Variants in HIP1 observed in about 807,000 individuals in gnomAD.
The protein encoded by HIP1 is huntingtin-interacting protein 1.
In HIP1, 65 loss-of-function variants were observed where a neutral mutation model predicts 147.6. The ratio of observed to expected loss-of-function variants is 0.44; its 90% CI spans 0.36 to 0.54. HIP1 has a LOEUF of 0.54. HIP1 is among the 20% of genes least tolerant of loss of function. HIP1 has a pLI of 0.00. For synonymous variants in HIP1, 479 were observed against 504.0 expected (o/e 0.95, Z 0.67); for missense variants, 1,061 against 1,299.6 (o/e 0.82, Z 2.82).
At chr7:75,611,027 TC>T (rs1197938375) in intron 1 of HIP1, among the ~76,000 whole-genome samples, 9 of 151,274 alleles carry the variant, frequency 5.9e-5, no homozygotes, top group Admixed American at 3.3e-4. Context: ...TACCTCAGCT[TC>T]CCCAGTAGCT....
At chr7:75,695,918 C>T (rs1364545885) in intron 1 of HIP1, among the ~76,000 whole-genome samples, 1 of 151,480 alleles carries the variant, frequency 6.6e-6, no homozygotes. Context: ...TTCAGTTCTG[C>T]CCCCGTGCCT....
intron 1 of HIP1, among the ~76,000 whole-genome samples, chr7:75,712,665 T>C (rs1801193670): frequency 6.6e-6 from 1 of 152,166 alleles, no homozygotes; most frequent in Admixed American, 6.6e-5. Context: ...CACATACTCC[T>C]TTATTCACTC....
intron 1 of HIP1, among the ~76,000 whole-genome samples, chr7:75,610,840 T>TA (rs1292186861): frequency 3.4e-5 from 5 of 147,520 alleles, no homozygotes; most frequent in East Asian, 2.0e-4. Flanking sequence ...CCATCACTAT[T>TA]AAAAAATATA....
At position 75,728,527 on chromosome 7, in the gene HIP1, C is replaced by G. The variant is rs376727377; in HGVS notation, c.120+10274G>C. Among the ~76,000 whole-genome samples, 12 of 152,340 alleles carry G rather than the reference C, an allele frequency of 7.9e-5. No individual in the cohort carries two copies. In the East Asian group the frequency reaches 1.5e-3, roughly 20 times the overall value. On this transcript the variant is annotated intron_variant, in intron 1 of 30. Coordinates refer to ENST00000336926, the MANE Select transcript of HIP1 (RefSeq NM_005338.7). ...CTGCCACACCCAGGTCTCCGCCACA[C>G]CTCGCCTTGAGGCAGTGGAATAAGT...
At chr7:75,612,032 T>C (rs1797456422) in intron 1 of HIP1, among the ~76,000 whole-genome samples, 1 of 152,174 alleles carries the variant, frequency 6.6e-6, no homozygotes, top group Non-Finnish European at 1.5e-5. Flanking sequence ...TCAGGTCACA[T>C]ACACACAGCT....
At position 75,714,326 on chromosome 7, in the gene HIP1, G is replaced by A. The variant is rs138871472; in HGVS notation, c.120+24475C>T. Among the ~76,000 whole-genome samples the A allele has an allele frequency of 1.6e-3, 246 of 151,536 alleles. 1 individual carries two copies. Among genetic ancestry groups the A allele is most frequent in the African/African-American group, 5.6e-3 (233 of 41,348 alleles). On this transcript the variant is annotated intron_variant, in intron 1 of 30. Coordinates refer to ENST00000336926, the MANE Select transcript of HIP1 (RefSeq NM_005338.7). ...AGTGCTGGGATGACAGGCGTGAGCC[G>A]CCGCGCCTGGCCTTTTTAACATTTT...
chr7:75,613,085 TCA>T (rs143183301), intron 1 of HIP1, among the ~76,000 whole-genome samples: 115 of 147,534 alleles, frequency 7.8e-4, no homozygotes, highest in African/African-American at 9.1e-4. Flanking sequence ...CCAACTTGGG[TCA>T]CACACACACA....
At chr7:75,673,820 CAA>C (rs71098060) in intron 1 of HIP1, among the ~76,000 whole-genome samples, 7 of 104,324 alleles carry the variant, frequency 6.7e-5, no homozygotes, top group Non-Finnish European at 5.6e-5. Flanking sequence ...CCTATCTCTA[CAA>C]AAAAAAAAAA....
In HIP1 at chr7:75,582,077, G is replaced by A. The variant is rs148290305; in HGVS notation, c.540C>T (p.Asn180=). 724 of 1,613,452 alleles carry A rather than the reference G, an allele frequency of 4.5e-4. 1 individual carries two copies. The highest frequency in any genetic ancestry group is 3.5e-3 in the African/African-American group (266 of 75,046). The part of the protein sequence containing the change: ...LDEAGESDVN[N]FFQLTVEMFD... ...GGCTCAGGGCAGGAGCCACTTACAA[G>A]TTGTTCACGTCACTTTCTCCAGCCT... The change falls in exon 6 of 31, where the codon AAC becomes AAT. Residue 180 remains asparagine, a splice_region_variant and synonymous_variant. Transcript: ENST00000336926.
chr7:75,606,635 G>T (rs1797235243), intron 1 of HIP1, among the ~76,000 whole-genome samples: 1 of 152,040 alleles, frequency 6.6e-6, no homozygotes, highest in African/African-American at 2.4e-5. Flanking sequence ...TAGCAGCAAG[G>T]GCCACAAGCT....
chr7:75,618,569 G>A (rs1797743290), intron 1 of HIP1, among the ~76,000 whole-genome samples: 1 of 152,126 alleles, frequency 6.6e-6, no homozygotes, highest in Non-Finnish European at 1.5e-5. Context: ...TTACAGGCAT[G>A]AGCCACCGCA....
At chr7:75,565,578 G>T (rs1209105406) in intron 9 of HIP1, among the ~76,000 whole-genome samples, 1 of 152,124 alleles carries the variant, frequency 6.6e-6, no homozygotes, top group Non-Finnish European at 1.5e-5. Flanking sequence ...CTTGGCATTT[G>T]GGAGTTATGG....
At position 75,555,967 on chromosome 7, in the gene HIP1, C is replaced by T. The variant is rs587638332; in HGVS notation, c.1827+59G>A. 2.8e-4 allele frequency: 444 copies of T among 1,596,674 alleles called. 6 individuals are homozygous for T. The South Asian group carries it at 4.8e-3, about 17-fold the overall frequency. On this transcript the variant is annotated intron_variant, in intron 18 of 30. Coordinates refer to ENST00000336926, the MANE Select transcript of HIP1 (RefSeq NM_005338.7). ...GGGGTCCTCCCAGCCTCCGTGCATG[C>T]GCAGAGGCCCTCGGTGGGAATTCAC...
chr7:75,555,195 CGGGGGG>C (rs371043786), intron 19 of HIP1, among the ~76,000 whole-genome samples: 2 of 23,602 alleles, frequency 8.5e-5, no homozygotes, highest in African/African-American at 1.1e-4. Context: ...AGCGGGGGGG[CGGGGGG>C]GGGGAAGAAA....
chr7:75,565,326 T>G (rs1795363965), intron 9 of HIP1, among the ~76,000 whole-genome samples: 1 of 152,216 alleles, frequency 6.6e-6, no homozygotes, highest in Non-Finnish European at 1.5e-5. Flanking sequence ...TGAAATCACC[T>G]GACCACACAT....
rs374014778 is a variant in HIP1 at position 75,538,147 on chromosome 7, T to C, written c.*25A>G. 2 of 1,591,962 alleles carry C rather than the reference T, an allele frequency of 1.3e-6. No individual in the cohort carries two copies. Among genetic ancestry groups the C allele is most frequent in the African/African-American group, 1.3e-5 (1 of 74,362 alleles). ...CGAGATAGGTAACAAGGATTTACAC[T>C]GACATATGGGGTGTTGGTTTGGCTC... On this transcript the variant is annotated 3_prime_UTR_variant, in exon 31 of 31. Coordinates refer to ENST00000336926, the MANE Select transcript of HIP1 (RefSeq NM_005338.7).
At chr7:75,713,573 C>T (rs1390248902) in intron 1 of HIP1, among the ~76,000 whole-genome samples, 1 of 152,168 alleles carries the variant, frequency 6.6e-6, no homozygotes, top group Non-Finnish European at 1.5e-5. Flanking sequence ...CCAGCTTTCC[C>T]TCTTTGGAAA....
At chr7:75,730,935 G>A (rs940601017) in intron 1 of HIP1, among the ~76,000 whole-genome samples, 3 of 148,324 alleles carry the variant, frequency 2.0e-5, no homozygotes, top group Non-Finnish European at 4.5e-5. Context: ...GGGTTTCACC[G>A]TGTTGGCCAG....
chr7:75,705,954 C>T (rs187398276), intron 1 of HIP1, among the ~76,000 whole-genome samples: 62 of 152,026 alleles, frequency 4.1e-4, no homozygotes, highest in African/African-American at 1.4e-3. Context: ...TGCAGTGGCG[C>T]GATCTTGGCT....
Sources: gnomAD v4.1 joint callset for allele counts (sites outside exome capture counted in the v4.1 genomes callset) on GRCh38, gnomAD v4.1.1 for gene constraint, MANE v1.5 for transcripts, NCBI Gene and HGNC (gene_info 2026-07-23, HGNC 2026-07-21) for gene names.